The following DRD3 variants were observed in gnomAD, a reference collection of about 807,000 sequenced individuals.
The protein encoded by DRD3 is D(3) dopamine receptor.
DRD3 carries 19 observed loss-of-function variants against 36.3 expected under a neutral mutation model. That is an observed-to-expected ratio of 0.52 (90% confidence interval 0.36 to 0.77). The LOEUF is 0.77. Ranked by LOEUF, DRD3 falls within the 30% of genes least tolerant of loss-of-function variation. The pLI is 0.00. For synonymous variants in DRD3, 195 were observed against 203.7 expected (o/e 0.96, Z 0.36); for missense variants, 465 against 505.3 (o/e 0.92, Z 0.77).
upstream of DRD3, among the ~76,000 whole-genome samples, chr3:114,183,165 T>G (rs769703542): frequency 2.6e-5 from 4 of 152,248 alleles, no homozygotes; most frequent in African/African-American, 9.6e-5. Context: ...ATGCCTCCAT[T>G]GTAATTTATT....
At chr3:114,131,756 T>C (rs2077433276) in intron 5 of DRD3, among the ~76,000 whole-genome samples, 1 of 152,158 alleles carries the variant, frequency 6.6e-6, no homozygotes. Flanking sequence ...GCAAAGGATA[T>C]GAATAGACAC....
upstream of DRD3, among the ~76,000 whole-genome samples, chr3:114,183,528 G>A (rs574193228): frequency 5.3e-5 from 8 of 152,178 alleles, no homozygotes; most frequent in East Asian, 1.9e-4. Context: ...GAATGTTAAA[G>A]TTTCCAACTA....
intron 4 of DRD3, among the ~76,000 whole-genome samples, chr3:114,141,198 ATT>A (rs1432981331): frequency 6.6e-6 from 1 of 151,916 alleles, no homozygotes; most frequent in Admixed American, 6.6e-5. Context: ...TGCCCAGCTA[ATT>A]TTTTTGTATT....
chr3:114,175,169 C>T (rs1553768730), intron 1 of DRD3, among the ~76,000 whole-genome samples: 1 of 152,160 alleles, frequency 6.6e-6, no homozygotes, highest in Non-Finnish European at 1.5e-5. Flanking sequence ...TGCTTCTAGA[C>T]ATTGCCACAT....
intron 3 of DRD3, among the ~76,000 whole-genome samples, chr3:114,159,122 G>A (rs2077708525): frequency 6.6e-6 from 1 of 152,142 alleles, no homozygotes. Context: ...ATGTTACTCA[G>A]GCAGAACACA....
chr3:114,173,842 A>G (rs1290460660), intron 1 of DRD3, among the ~76,000 whole-genome samples: 1 of 152,170 alleles, frequency 6.6e-6, no homozygotes, highest in Non-Finnish European at 1.5e-5. Flanking sequence ...CTCTCTCTTC[A>G]GGCCTTGGCA....
chr3:114,159,882 C>T lies in DRD3; in HGVS notation c.271-15G>A. ...CCACCTGTCACCTGGGTATCAGAGA[C>T]AAGGATGTTAGTGTTTACCCCAGTG... is the stretch of plus-strand genomic sequence containing the variant. On this transcript the variant is annotated splice_polypyrimidine_tract_variant and intron_variant, in intron 2 of 6. Coordinates refer to ENST00000383673, the MANE Select transcript of DRD3 (RefSeq NM_000796.6). 1 of 1,612,176 alleles carries T rather than the reference C, an allele frequency of 6.2e-7. No homozygotes were observed. Among genetic ancestry groups the T allele is most frequent in the Non-Finnish European group, 8.5e-7 (1 of 1,178,254 alleles).
chr3:114,191,680 C>T (rs1344804014), intron 1 of DRD3, among the ~76,000 whole-genome samples: 2 of 152,136 alleles, frequency 1.3e-5, no homozygotes, highest in Non-Finnish European at 2.9e-5. Context: ...AAGTTGGCGG[C>T]TCCCTGGACT....
At chr3:114,148,147 C>T (rs1305799541) in intron 3 of DRD3, among the ~76,000 whole-genome samples, 1 of 152,220 alleles carries the variant, frequency 6.6e-6, no homozygotes. Flanking sequence ...CACAGGATCA[C>T]TGGATTGCTG....
intron 1 of DRD3, 97 bp from the exon 2 acceptor site, chr3:114,172,124 T>C (rs943715694): frequency 6.9e-6 from 7 of 1,009,530 alleles, no homozygotes; most frequent in Non-Finnish European, 9.4e-6. Context: ...CAAATATTTA[T>C]TGAGCATTTT....
intron 3 of DRD3, among the ~76,000 whole-genome samples, chr3:114,150,962 A>C (rs1284325594): frequency 6.6e-6 from 1 of 152,230 alleles, no homozygotes; most frequent in African/African-American, 2.4e-5. Flanking sequence ...CCTTGACACC[A>C]TGCTGTATGA....
chr3:114,195,461 T>C (rs1029701989), intron 1 of DRD3, among the ~76,000 whole-genome samples: 3 of 152,174 alleles, frequency 2.0e-5, no homozygotes, highest in Non-Finnish European at 4.4e-5. Flanking sequence ...TGAAATCACA[T>C]AGTAAAATGT....
At chr3:114,192,642 T>C (rs2078016718) in intron 1 of DRD3, among the ~76,000 whole-genome samples, 1 of 152,222 alleles carries the variant, frequency 6.6e-6, no homozygotes, top group Non-Finnish European at 1.5e-5. Flanking sequence ...CTCTCCCAGA[T>C]GACTATTTTA....
At chr3:114,175,777 C>T (rs2077892461) in intron 1 of DRD3, 2 of 152,146 alleles carry the variant, frequency 1.3e-5, no homozygotes, top group African/African-American at 4.8e-5. Flanking sequence ...TTTTAGGTAG[C>T]TGTCAAACCT....
intron 1 of DRD3, among the ~76,000 whole-genome samples, chr3:114,174,183 C>T (rs1181501515): frequency 1.3e-5 from 2 of 152,134 alleles, no homozygotes; most frequent in African/African-American, 2.4e-5. Flanking sequence ...GAGATAGCAC[C>T]GCTGCTGCCA....
In DRD3 at chr3:114,193,721, T is replaced by G. The variant is rs112104372; in HGVS notation, c.-156+5552A>C. Among the ~76,000 whole-genome samples the G allele has an allele frequency of 3.9e-3, 591 of 152,318 alleles. 4 individuals are homozygous for G. Among genetic ancestry groups the G allele is most frequent in the African/African-American group, 0.013 (546 of 41,582 alleles). ...CTTAGGGATTTTGTGCATTTAATAA[T>G]GGGACTTAGATTCCTTCCTACATTA... On this transcript the variant is annotated intron_variant, in intron 1 of 7. Coordinates refer to the DRD3 transcript ENST00000460779.
intron 5 of DRD3, among the ~76,000 whole-genome samples, chr3:114,132,905 T>C (rs1051268509): frequency 1.3e-5 from 2 of 152,062 alleles, no homozygotes; most frequent in Non-Finnish European, 1.5e-5. Flanking sequence ...AATTTGAACA[T>C]CAATTGGACA....
In DRD3 at chr3:114,178,929, T is replaced by G. The variant is rs1402833878; in HGVS notation, c.-308A>C. The G allele has an allele frequency of 1.3e-5, 2 of 152,176 alleles. No individual in the cohort carries two copies. The highest frequency in any genetic ancestry group is 2.4e-5 in the African/African-American group (1 of 41,444). 9.4% of individuals were successfully genotyped at this position (152,176 alleles called of 1,614,324 possible). A position where few individuals can be genotyped will look rare whatever the true frequency, so the allele number is the denominator to read the frequency against. On this transcript the variant is annotated 5_prime_UTR_variant, in exon 1 of 7. Coordinates refer to ENST00000383673, the MANE Select transcript of DRD3 (RefSeq NM_000796.6). ...TCTTTAGAGGATTTGGGAGGGACCCTAAACTGAGCGTTGCTTGGGTCAGCC... is the reference window on the plus strand; with the variant it reads ...TCTTTAGAGGATTTGGGAGGGACCCGAAACTGAGCGTTGCTTGGGTCAGCC...
intron 4 of DRD3, among the ~76,000 whole-genome samples, 167 bp downstream of exon 4, chr3:114,147,248 A>G (rs1277712472): frequency 6.6e-6 from 1 of 152,034 alleles, no homozygotes; most frequent in Non-Finnish European, 1.5e-5. Context: ...TTTATATTTT[A>G]TTTATAACCC....
Sources: gnomAD v4.1 joint callset for allele counts (sites outside exome capture counted in the v4.1 genomes callset) on GRCh38, gnomAD v4.1.1 for gene constraint, MANE v1.5 for transcripts, NCBI Gene and HGNC (gene_info 2026-07-23, HGNC 2026-07-21) for gene names.